The following MYO16 variants were observed in gnomAD, a reference collection of about 807,000 sequenced individuals.
MYO16 encodes unconventional myosin-XVI.
MYO16 carries 94 observed loss-of-function variants against 205.3 expected under a neutral mutation model. That is an observed-to-expected ratio of 0.46 (90% CI 0.39 to 0.54). MYO16 has a LOEUF of 0.54. MYO16 is among the 20% of genes least tolerant of loss of function. The pLI is 0.00. For synonymous variants in MYO16, 988 were observed against 954.0 expected, an observed-to-expected ratio of 1.04 and a Z score of -0.66; for missense variants, 2,315 against 2,387.5, an observed-to-expected ratio of 0.97 and a Z score of 0.63.
intron 11 of MYO16, among the ~76,000 whole-genome samples, chr13:108,862,092 A>C (rs1348798336): frequency 1.3e-5 from 2 of 152,150 alleles, no homozygotes; most frequent in Non-Finnish European, 2.9e-5. Flanking sequence ...ATCCTGAAAG[A>C]CACAATCCCC....
chr13:108,665,976 G>T lies in MYO16; in HGVS notation c.119G>T (p.Arg40Leu). Reference protein sequence around the residue: ...LESLPLGQRQRLVKRMRCEQI... With the variant: ...LESLPLGQRQLLVKRMRCEQI... Reference sequence around the variant, plus strand: ...TCCCTTCCCCTTGGCCAACGGCAGCGTCTAGTGAAGCGCATGCGCTGTGAG... The same window carrying T: ...TCCCTTCCCCTTGGCCAACGGCAGCTTCTAGTGAAGCGCATGCGCTGTGAG... The change falls in exon 2 of 35, where the codon CGT (arginine) becomes CTT (leucine). Residue 40 changes from arginine to leucine, a missense_variant. By Grantham distance (102) the Arg-to-Leu change is moderately radical. Around this residue, in one of 3 missense-constraint regions of MYO16, gnomAD observed 1,213 missense variants for 1,274.4 expected, o/e 0.95. Coordinates refer to ENST00000457511, the MANE Select transcript of MYO16 (RefSeq NM_001198950.3). 1 of 1,614,152 alleles carries T rather than the reference G, an allele frequency of 6.2e-7. No homozygotes were observed. The highest frequency in any genetic ancestry group is 8.5e-7 in the Non-Finnish European group (1 of 1,179,996).
chr13:108,603,896 T>C (rs1311742883), intron 1 of MYO16, among the ~76,000 whole-genome samples: 1 of 152,200 alleles, frequency 6.6e-6, no homozygotes, highest in Non-Finnish European at 1.5e-5. Context: ...GTGCCTGTAT[T>C]AGTCTGCTAT....
chr13:109,144,434 T>C (rs1877238639), intron 32 of MYO16, among the ~76,000 whole-genome samples: 1 of 152,244 alleles, frequency 6.6e-6, no homozygotes, highest in Admixed American at 6.5e-5. Flanking sequence ...ACATAAGCTA[T>C]GGAAGGAAAA....
rs373029972 is a variant in MYO16 at position 108,869,030 on chromosome 13, A to T, written c.1425+2788A>T. Among the ~76,000 whole-genome samples, 9 of 152,310 alleles carry T rather than the reference A, an allele frequency of 5.9e-5. No individual in the cohort carries two copies. The South Asian group carries it at 8.3e-4, about 14-fold the overall frequency. On this transcript the variant is annotated intron_variant, in intron 12 of 34. Transcript: ENST00000457511. ...TCCATTCAGTTTGATTGGTCTGTTAAAATACATTTTTATGCCTCGTACTCT... is the reference window on the plus strand; with the variant it reads ...TCCATTCAGTTTGATTGGTCTGTTATAATACATTTTTATGCCTCGTACTCT...
chr13:109,013,111 CCCA>C (rs1167478923), intron 22 of MYO16, among the ~76,000 whole-genome samples: 475 of 32,544 alleles, frequency 0.015, 9 homozygotes, highest in Non-Finnish European at 0.023. Context: ...CTACCCCTCC[CCCA>C]CCCCCCCCCA....
chr13:109,179,325 CCTTTGGCAGGATATGCCCT>C (rs1245874410), intron 33 of MYO16, among the ~76,000 whole-genome samples, 198 bp from the exon 34 acceptor site: 109 of 152,312 alleles, frequency 7.2e-4, no homozygotes, highest in African/African-American at 2.5e-3. Flanking sequence ...CATTGTATCT[CCTTTGGCAGGATATGCCCT>C]CTTTTCCTAA....
At chr13:108,926,027 G>A (rs1010408451) in intron 16 of MYO16, among the ~76,000 whole-genome samples, 2 of 152,216 alleles carry the variant, frequency 1.3e-5, no homozygotes, top group Admixed American at 1.3e-4. Context: ...CAGCCACCTT[G>A]TTCTGACCGC....
intron 20 of MYO16, among the ~76,000 whole-genome samples, chr13:108,987,337 AAGAG>A (rs1884675650): frequency 6.6e-6 from 1 of 152,166 alleles, no homozygotes; most frequent in Admixed American, 6.5e-5. Context: ...CAAAGAATAA[AAGAG>A]AGGAACCCCC....
At chr13:109,023,180 ATATT>A (rs1272288197) in intron 23 of MYO16, among the ~76,000 whole-genome samples, 5 of 127,308 alleles carry the variant, frequency 3.9e-5, no homozygotes, top group South Asian at 4.7e-4. Flanking sequence ...ATTTATGTAT[ATATT>A]TATATATTAT....
intron 12 of MYO16, among the ~76,000 whole-genome samples, chr13:108,871,187 A>G (rs1363272525): frequency 1.3e-5 from 2 of 151,920 alleles, no homozygotes; most frequent in East Asian, 3.9e-4. Context: ...TAACATTTTT[A>G]TTTTAAACTC....
chr13:108,721,923 TA>T (rs1395297416), intron 3 of MYO16, among the ~76,000 whole-genome samples: 11 of 152,080 alleles, frequency 7.2e-5, no homozygotes, highest in Non-Finnish European at 1.6e-4. Context: ...CTTAGTTGAT[TA>T]AAGGGCTTGG....
intron 1 of MYO16, among the ~76,000 whole-genome samples, chr13:108,615,940 C>A (rs1879335793): frequency 6.6e-6 from 1 of 152,160 alleles, no homozygotes; most frequent in Non-Finnish European, 1.5e-5. Context: ...TCTTACCCAC[C>A]TTCCTTTCTC....
At chr13:109,027,718 C>A (rs1251064760) in intron 23 of MYO16, among the ~76,000 whole-genome samples, 1 of 152,118 alleles carries the variant, frequency 6.6e-6, no homozygotes, top group Non-Finnish European at 1.5e-5. Flanking sequence ...AAGTACAGGA[C>A]AAGCAATAAA....
intron 1 of MYO16, among the ~76,000 whole-genome samples, chr13:108,652,774 C>A (rs1468532113): frequency 6.6e-6 from 1 of 152,154 alleles, no homozygotes; most frequent in African/African-American, 2.4e-5. Flanking sequence ...TACATGTATA[C>A]CATGTTTTGT....
chr13:108,958,053 G>A (rs1883443859), intron 17 of MYO16, among the ~76,000 whole-genome samples: 1 of 151,494 alleles, frequency 6.6e-6, no homozygotes, highest in African/African-American at 2.4e-5. Flanking sequence ...GCAGAGAGTG[G>A]CAAGAGGAGA....
chr13:109,150,121 G>T (rs1877571377), intron 32 of MYO16, among the ~76,000 whole-genome samples: 1 of 152,180 alleles, frequency 6.6e-6, no homozygotes, highest in Non-Finnish European at 1.5e-5. Flanking sequence ...TGTACAGACA[G>T]ATGATCAGCA....
intron 16 of MYO16, among the ~76,000 whole-genome samples, chr13:108,927,099 C>T (rs1449453568): frequency 1.3e-5 from 2 of 151,024 alleles, no homozygotes; most frequent in African/African-American, 4.9e-5. Flanking sequence ...AGAGGTGAAG[C>T]CATCTGTCAA....
intron 10 of MYO16, among the ~76,000 whole-genome samples, chr13:108,850,289 C>T (rs11618873): frequency 0.21 from 32,044 of 152,192 alleles, 3,546 homozygotes; most frequent in Middle Eastern, 0.33. Flanking sequence ...AACAAGCAAA[C>T]GCAAGACAAC....
At chr13:108,810,130 C>T (rs1887241964) in intron 7 of MYO16, among the ~76,000 whole-genome samples, 1 of 152,184 alleles carries the variant, frequency 6.6e-6, no homozygotes, top group African/African-American at 2.4e-5. Flanking sequence ...TTTTAAAACA[C>T]ATTATTTTTA....
Sources: gnomAD v4.1 joint callset for allele counts (sites outside exome capture counted in the v4.1 genomes callset) on GRCh38, gnomAD v4.1.1 for gene constraint, gnomAD v4.1.1 regional missense constraint, MANE v1.5 for transcripts, NCBI Gene and HGNC (gene_info 2026-07-23, HGNC 2026-07-21) for gene names.